RBFOX1: variants seen among roughly 807,000 people sequenced by gnomAD.
RBFOX1 encodes the protein RNA binding fox-1 homolog 1.
In RBFOX1, 8 loss-of-function variants were observed where a neutral mutation model predicts 57.7. That is an observed-to-expected ratio of 0.14 (90% CI 0.08 to 0.25). The LOEUF is 0.25. RBFOX1 is among the 10% of genes least tolerant of loss of function. RBFOX1 has a pLI of 1.00. For missense variants in RBFOX1, 611 were observed against 548.5 expected, an observed-to-expected ratio of 1.11 and a Z score of -1.14; for synonymous variants, 326 against 222.4, an observed-to-expected ratio of 1.47 and a Z score of -4.15.
intron 3 of RBFOX1, among the ~76,000 whole-genome samples, chr16:5,733,502 C>T (rs1262484703): frequency 6.6e-6 from 1 of 152,066 alleles, no homozygotes; most frequent in Admixed American, 6.6e-5. Context: ...TGCCCTGGGC[C>T]GGGGTGGTCA....
In RBFOX1 at chr16:7,075,982, A is replaced by G. The variant is rs144072379; in HGVS notation, c.27+23884A>G. On this transcript the variant is annotated intron_variant, in intron 4 of 15. Transcript: ENST00000550418. Reference sequence around the variant, plus strand: ...TTTGCCACCGTCCTTGCACTTCCCTATTAGTCCCCTAAACTGACACCAGTT... The same window carrying G: ...TTTGCCACCGTCCTTGCACTTCCCTGTTAGTCCCCTAAACTGACACCAGTT... Among the ~76,000 whole-genome samples, 155 of 150,834 alleles carry G rather than the reference A, an allele frequency of 1.0e-3. 1 individual carries two copies. The highest frequency in any genetic ancestry group is 3.6e-3 in the African/African-American group (149 of 41,018).
chr16:6,912,506 T>C (rs1014828165), intron 3 of RBFOX1, among the ~76,000 whole-genome samples: 1 of 152,220 alleles, frequency 6.6e-6, no homozygotes, highest in Non-Finnish European at 1.5e-5. Context: ...CTGGGTGGGC[T>C]AAGATAACTA....
At chr16:6,182,341 A>G (rs2097070031) in intron 1 of RBFOX1, among the ~76,000 whole-genome samples, 1 of 152,214 alleles carries the variant, frequency 6.6e-6, no homozygotes, top group African/African-American at 2.4e-5. Context: ...CTTAATTGAC[A>G]TAAATAATAC....
At chr16:5,255,354 C>A (rs4999424) in intron 1 of RBFOX1, among the ~76,000 whole-genome samples, 3,382 of 86,182 alleles carry the variant, frequency 0.039, 110 homozygotes, top group African/African-American at 0.11. Context: ...CCATCCATCC[C>A]TCCATCCATC....
intron 3 of RBFOX1, among the ~76,000 whole-genome samples, chr16:5,659,604 C>T (rs572449398): frequency 4.4e-4 from 67 of 152,068 alleles, no homozygotes; most frequent in Admixed American, 4.6e-4. Context: ...CGTGCCTGGC[C>T]GGTATATCTT....
chr16:6,634,824 A>T (rs1285793465), intron 2 of RBFOX1, among the ~76,000 whole-genome samples: 1 of 139,954 alleles, frequency 7.1e-6, no homozygotes, highest in East Asian at 2.1e-4. Context: ...TAATACAAAG[A>T]TATACATATA....
chr16:7,545,634 C>T (rs967326299), intron 5 of RBFOX1, among the ~76,000 whole-genome samples: 1 of 152,106 alleles, frequency 6.6e-6, no homozygotes, highest in Non-Finnish European at 1.5e-5. Context: ...TGACCCAGTA[C>T]GTTTAGAATT....
chr16:7,490,534 C>G (rs751012968), intron 4 of RBFOX1, among the ~76,000 whole-genome samples: 6 of 152,202 alleles, frequency 3.9e-5, no homozygotes, highest in South Asian at 4.1e-4. Context: ...CCTTTACTCC[C>G]CATTTTCATC....
chr16:6,523,354 G>A (rs1030443995), intron 2 of RBFOX1, among the ~76,000 whole-genome samples: 1 of 152,142 alleles, frequency 6.6e-6, no homozygotes, highest in Non-Finnish European at 1.5e-5. Flanking sequence ...AGATGGTTTG[G>A]TGTGGGGCTG....
chr16:7,598,490 T>C (rs2094829236), intron 9 of RBFOX1, among the ~76,000 whole-genome samples: 1 of 152,056 alleles, frequency 6.6e-6, no homozygotes, highest in African/African-American at 2.4e-5. Flanking sequence ...GAGATACGGA[T>C]TTTTTAAAGT....
At chr16:6,798,489 C>G (rs1445714009) in intron 3 of RBFOX1, among the ~76,000 whole-genome samples, 3 of 152,084 alleles carry the variant, frequency 2.0e-5, no homozygotes, top group African/African-American at 4.8e-5. Context: ...GAAACATTGC[C>G]TAATTCTGAA....
intron 5 of RBFOX1, 91 bp from the exon 6 acceptor site, chr16:7,579,686 C>G (rs990098892): frequency 1.8e-5 from 27 of 1,513,312 alleles, no homozygotes; most frequent in African/African-American, 4.1e-5. Context: ...TAGTTCTGAT[C>G]TTTTCCTGCC....
chr16:7,142,021 C>A (rs1016858660), intron 4 of RBFOX1, among the ~76,000 whole-genome samples: 1 of 138,930 alleles, frequency 7.2e-6, no homozygotes, highest in Admixed American at 7.7e-5. Context: ...CTTCCTTCTT[C>A]CTTCTTTCTT....
intron 1 of RBFOX1, among the ~76,000 whole-genome samples, chr16:6,132,574 G>C (rs1315338217): frequency 6.6e-6 from 1 of 152,118 alleles, no homozygotes; most frequent in Non-Finnish European, 1.5e-5. Flanking sequence ...TTACTCACTG[G>C]GGAACATAGT....
At chr16:6,083,977 A>G (rs2096049692) in intron 1 of RBFOX1, among the ~76,000 whole-genome samples, 1 of 152,208 alleles carries the variant, frequency 6.6e-6, no homozygotes, top group African/African-American at 2.4e-5. Context: ...TTTGTTATTC[A>G]AAAATGATGT....
intron 3 of RBFOX1, among the ~76,000 whole-genome samples, chr16:5,764,057 C>T (rs1015111223): frequency 1.3e-5 from 2 of 152,134 alleles, no homozygotes; most frequent in Admixed American, 6.5e-5. Flanking sequence ...TCACACACAC[C>T]GTAGGTGTCT....
intron 3 of RBFOX1, among the ~76,000 whole-genome samples, chr16:6,712,378 G>A (rs371339661): frequency 5.9e-5 from 9 of 152,246 alleles, no homozygotes; most frequent in South Asian, 2.1e-4. Context: ...TGTCCTGGGC[G>A]TGAACTAGAT....
At chr16:6,139,766 T>G (rs114292027) in intron 1 of RBFOX1, among the ~76,000 whole-genome samples, 2,158 of 152,304 alleles carry the variant, frequency 0.014, 60 homozygotes, top group African/African-American at 0.049. Context: ...TTTCTCCTTA[T>G]GTATCTGTTT....
At chr16:7,031,873 C>G (rs547369602) in intron 3 of RBFOX1, among the ~76,000 whole-genome samples, 1 of 152,156 alleles carries the variant, frequency 6.6e-6, no homozygotes, top group Non-Finnish European at 1.5e-5. Context: ...GCTCCACTAC[C>G]TTGCCTTCTA....
Sources: allele counts gnomAD v4.1 joint callset (sites outside exome capture counted in the v4.1 genomes callset), GRCh38; gene constraint gnomAD v4.1.1; transcripts MANE v1.5; gene names NCBI Gene and HGNC (gene_info 2026-07-23, HGNC 2026-07-21).